DRD3: variants seen among roughly 807,000 people sequenced by gnomAD.
DRD3 encodes D(3) dopamine receptor.
DRD3 carries 19 observed loss-of-function variants against 36.3 expected under a neutral mutation model. The ratio of observed to expected loss-of-function variants is 0.52; its 90% CI spans 0.36 to 0.77. The LOEUF (loss-of-function observed/expected upper bound fraction) is 0.77, where lower values mean the gene tolerates loss of function less well. Ranked by LOEUF, DRD3 falls within the 30% of genes least tolerant of loss-of-function variation. The pLI, the probability that DRD3 is intolerant of heterozygous loss-of-function variation, is 0.00. For synonymous variants in DRD3, 195 were observed against 203.7 expected (o/e 0.96, Z 0.36); for missense variants, 465 against 505.3 (o/e 0.92, Z 0.77).
At chr3:114,147,285 G>T in intron 4 of DRD3, 130 bp downstream of exon 4, 1 of 1,172,858 alleles carries the variant, frequency 8.5e-7, no homozygotes, top group Non-Finnish European at 1.2e-6. Context: ...TGCATTCTGT[G>T]GCATTCTCAT....
In DRD3 at chr3:114,140,152, T is replaced by C. The variant is rs923752685; in HGVS notation, c.527-456A>G. On this transcript the variant is annotated intron_variant, in intron 4 of 6. Transcript: ENST00000383673. ...CTGGTGCGGAGGCATTGGAGAATTG[T>C]TTGAATGCAATGAAAGGAAGAAGCC... Among the ~76,000 whole-genome samples the C allele has an allele frequency of 8.5e-5, 13 of 152,296 alleles. No homozygotes were observed. In the East Asian group the frequency reaches 2.5e-3, roughly 29 times the overall value.
intron 1 of DRD3, among the ~76,000 whole-genome samples, chr3:114,185,810 G>A (rs999491016): frequency 1.3e-5 from 2 of 152,054 alleles, no homozygotes; most frequent in Non-Finnish European, 2.9e-5. Flanking sequence ...TGGGTAGCTA[G>A]GACTACAGGC....
At chr3:114,194,440 G>A (rs1302313705) in intron 1 of DRD3, among the ~76,000 whole-genome samples, 2 of 152,042 alleles carry the variant, frequency 1.3e-5, no homozygotes, top group African/African-American at 4.8e-5. Context: ...GTACCACCAT[G>A]CCCGGCTAAT....
Position 114,131,219 on chromosome 3 carries a change from C to T in DRD3, c.905G>A (p.Ser302Asn). The change falls in exon 6 of 7, where the codon AGC (serine) becomes AAC (asparagine). Residue 302 changes from serine (S) to asparagine (N), a missense_variant. By Grantham distance (46) the Ser-to-Asn change is conservative. Coordinates refer to ENST00000383673, the MANE Select transcript of DRD3 (RefSeq NM_000796.6). ...PKLSLEVRKL[S>N]NGRLSTSLKL... ...CAAAGATGTCGATAATCTGCCATTG[C>T]TGAGTTTTCGAACTTCTAAGCTGAG... 6.2e-7 allele frequency: 1 copy of T among 1,614,228 alleles called. No individual in the cohort carries two copies. Among genetic ancestry groups the T allele is most frequent in the Non-Finnish European group, 8.5e-7 (1 of 1,180,052 alleles).
At chr3:114,148,431 T>C (rs1177729401) in intron 3 of DRD3, among the ~76,000 whole-genome samples, 1 of 152,082 alleles carries the variant, frequency 6.6e-6, no homozygotes, top group African/African-American at 2.4e-5. Context: ...TAAAATCCAG[T>C]TTTCATTCTT....
intron 4 of DRD3, among the ~76,000 whole-genome samples, chr3:114,144,094 G>A (rs1231197475): frequency 6.6e-6 from 1 of 152,160 alleles, no homozygotes; most frequent in Non-Finnish European, 1.5e-5. Context: ...TGGGAGTTAA[G>A]GCAACCCTGG....
chr3:114,139,254 C>A (rs2077501873), intron 5 of DRD3, among the ~76,000 whole-genome samples: 1 of 152,212 alleles, frequency 6.6e-6, no homozygotes, highest in African/African-American at 2.4e-5. Context: ...TGAAGGGAAG[C>A]AGAACAAGCC....
At chr3:114,169,594 C>T (rs1486008) in intron 2 of DRD3, among the ~76,000 whole-genome samples, 12,945 of 151,796 alleles carry the variant, frequency 0.085, 658 homozygotes, top group South Asian at 0.15. Context: ...TGGGGAGAAA[C>T]CAAAAACTTC....
chr3:114,160,685 A>AAATCTATCTG (rs2077724554), intron 2 of DRD3, among the ~76,000 whole-genome samples: 1 of 152,216 alleles, frequency 6.6e-6, no homozygotes, highest in South Asian at 2.1e-4. Flanking sequence ...TCCAAAGTAA[A>AAATCTATCTG]AATCTATCTG....
At chr3:114,181,806 C>A (rs1339876321), upstream of DRD3, among the ~76,000 whole-genome samples, 1 of 152,164 alleles carries the variant, frequency 6.6e-6, no homozygotes, top group African/African-American at 2.4e-5. Flanking sequence ...TGGGACTATT[C>A]TCTTCTTGTC....
intron 4 of DRD3, among the ~76,000 whole-genome samples, chr3:114,145,981 A>G (rs1387123251): frequency 6.6e-6 from 1 of 152,228 alleles, no homozygotes; most frequent in Non-Finnish European, 1.5e-5. Context: ...ACATTTACCA[A>G]TGAGGAACTC....
At chr3:114,134,684 T>C (rs1039628840) in intron 5 of DRD3, among the ~76,000 whole-genome samples, 2 of 152,118 alleles carry the variant, frequency 1.3e-5, no homozygotes, top group African/African-American at 4.8e-5. Context: ...CCTCCCAAAG[T>C]GCTGGGATTA....
Position 114,128,818 on chromosome 3 carries a change from G to T in DRD3, c.1101C>A (p.Ala367=). Residue 367 remains alanine, a synonymous_variant, in exon 7 of 7, where the codon GCC becomes GCA. Coordinates refer to ENST00000383673, the MANE Select transcript of DRD3 (RefSeq NM_000796.6). ...TCHVSPELYS[A]TTWLGYVNSA... ...TATTCACGTAGCCCAGCCATGTCGT[G>T]GCACTGTAAAGCTCTGGGGACACGT... 1 of 1,614,042 alleles carries T rather than the reference G, an allele frequency of 6.2e-7. No homozygotes were observed. Among genetic ancestry groups the T allele is most frequent in the Non-Finnish European group, 8.5e-7 (1 of 1,179,990 alleles).
intron 3 of DRD3, among the ~76,000 whole-genome samples, chr3:114,149,926 A>G (rs1302974004): frequency 1.3e-5 from 2 of 152,206 alleles, no homozygotes; most frequent in African/African-American, 4.8e-5. Flanking sequence ...CTACACCTTG[A>G]TTTCAGCCCT....
chr3:114,199,061 A>T (rs1287871160), intron 1 of DRD3, among the ~76,000 whole-genome samples: 2 of 152,236 alleles, frequency 1.3e-5, no homozygotes, highest in African/African-American at 4.8e-5. Context: ...TATACCTGTT[A>T]TATAGAATTT....
In DRD3 at chr3:114,171,967, C is replaced by A. The variant is rs367858277; in HGVS notation, c.26G>T (p.Gly9Val). Reference sequence around the variant, plus strand: ...TGCCCCACAGGTGTAGTTCAGGTGGCCACTCAGCTGGCTCAGAGATGCCAT... The same window carrying A: ...TGCCCCACAGGTGTAGTTCAGGTGGACACTCAGCTGGCTCAGAGATGCCAT... MASLSQLS[G>V]HLNYTCGAEN... Residue 9 changes from glycine to valine, a missense_variant, in exon 2 of 7, where the codon GGC becomes GTC. Gly to Val is a moderately radical substitution (Grantham distance 109). Coordinates refer to ENST00000383673, the MANE Select transcript of DRD3 (RefSeq NM_000796.6). The A allele has an allele frequency of 2.6e-6, 4 of 1,522,250 alleles. No homozygotes were observed. The highest frequency in any genetic ancestry group is 3.5e-6 in the Non-Finnish European group (4 of 1,130,838). The allele number at this position is 1,522,250 out of a possible 1,614,324, so 94.3% of individuals were successfully genotyped here. A position where few individuals can be genotyped will look rare whatever the true frequency, so the allele number is the denominator to read the frequency against.
intron 4 of DRD3, among the ~76,000 whole-genome samples, chr3:114,143,011 G>T (rs930141061): frequency 7.2e-4 from 110 of 152,198 alleles, no homozygotes; most frequent in Non-Finnish European, 1.6e-4. Context: ...AGGGCAGAGT[G>T]ATGCACCACA....
At chr3:114,160,797 C>T (rs754038204) in intron 2 of DRD3, among the ~76,000 whole-genome samples, 10 of 152,164 alleles carry the variant, frequency 6.6e-5, no homozygotes, top group Non-Finnish European at 1.3e-4. Flanking sequence ...CTCTCCCTCC[C>T]CACCCACATC....
intron 2 of DRD3, among the ~76,000 whole-genome samples, chr3:114,163,452 T>C (rs957546111): frequency 6.6e-6 from 1 of 152,136 alleles, no homozygotes; most frequent in Non-Finnish European, 1.5e-5. Context: ...TTGAGTAATT[T>C]GCCAAATGGA....
Sources: gnomAD v4.1 joint callset for allele counts (sites outside exome capture counted in the v4.1 genomes callset) on GRCh38, gnomAD v4.1.1 for gene constraint, MANE v1.5 for transcripts, NCBI Gene and HGNC (gene_info 2026-07-23, HGNC 2026-07-21) for gene names.